SLC35F1: variants seen among roughly 807,000 people sequenced by gnomAD.
SLC35F1 encodes the protein chromosome 6 open reading frame 169.
SLC35F1 carries 14 observed loss-of-function variants against 48.7 expected under a neutral mutation model. That is an observed-to-expected ratio of 0.29 (90% CI 0.19 to 0.45). The LOEUF (loss-of-function observed/expected upper bound fraction) is 0.45, where lower values mean the gene tolerates loss of function less well. SLC35F1 is among the 20% of genes least tolerant of loss of function. The pLI is 1.00. For synonymous variants in SLC35F1, 190 were observed against 202.2 expected (o/e 0.94, Z 0.51); for missense variants, 404 against 500.0 (o/e 0.81, Z 1.83).
intron 1 of SLC35F1, among the ~76,000 whole-genome samples, chr6:117,911,878 A>C (rs1325472465): frequency 6.6e-6 from 1 of 152,224 alleles, no homozygotes; most frequent in Non-Finnish European, 1.5e-5. Context: ...TAGATTTCTT[A>C]GACACATACA....
chr6:118,296,177 A>G (rs968197114), intron 7 of SLC35F1, among the ~76,000 whole-genome samples: 1 of 152,178 alleles, frequency 6.6e-6, no homozygotes, highest in African/African-American at 2.4e-5. Flanking sequence ...TTCTTCACAT[A>G]TTATCCATGG....
intron 1 of SLC35F1, among the ~76,000 whole-genome samples, chr6:117,997,848 A>G (rs1032180981): frequency 5.9e-5 from 9 of 152,230 alleles, no homozygotes; most frequent in Non-Finnish European, 1.3e-4. Flanking sequence ...CATCAAGGCT[A>G]GGAAGAAACT....
Position 118,103,836 on chromosome 6 carries a change from C to T in SLC35F1, c.174-50609C>T. Among the ~76,000 whole-genome samples the T allele has an allele frequency of 1.3e-5, 2 of 152,032 alleles. 1 individual carries two copies. On this transcript the variant is annotated intron_variant, in intron 1 of 7. Transcript: ENST00000360388. ...CTTGAAATGTTTTTTTTTCTGATCT[C>T]ACATTTTAGTTTTCTGTCATTCAGT...
rs904475544 is a variant in SLC35F1, at chr6:118,250,707, C to T, written c.477+15071C>T. On this transcript the variant is annotated intron_variant, in intron 3 of 7. Transcript: ENST00000360388. ...GAGTCATGGCAGCCAGGTGCAGTGGCTCACACCTGTAATCCCAGCACTTTG... is the reference window on the plus strand; with the variant it reads ...GAGTCATGGCAGCCAGGTGCAGTGGTTCACACCTGTAATCCCAGCACTTTG... Among the ~76,000 whole-genome samples the T allele has an allele frequency of 4.6e-5, 7 of 152,184 alleles. No individual in the cohort carries two copies. The South Asian group carries it at 1.4e-3, about 32-fold the overall frequency.
At chr6:118,006,338 C>G (rs1226637618) in intron 1 of SLC35F1, among the ~76,000 whole-genome samples, 2 of 152,012 alleles carry the variant, frequency 1.3e-5, no homozygotes, top group Admixed American at 1.3e-4. Flanking sequence ...CTGATTTGGC[C>G]AGGTGTGGTG....
chr6:117,997,346 C>G (rs201285623), intron 1 of SLC35F1, among the ~76,000 whole-genome samples: 62 of 151,840 alleles, frequency 4.1e-4, no homozygotes, highest in African/African-American at 1.2e-3. Context: ...TTGGAAAACA[C>G]TCTGCAGGAT....
In SLC35F1 at chr6:118,223,337, C is replaced by T. The variant is rs570979589; in HGVS notation, c.350-12172C>T. ...AATAACAAAGCTATCATTTACCAAG[C>T]AGTTACTGCGAGCCAGACACTTTAC... On this transcript the variant is annotated intron_variant, in intron 2 of 7. Transcript: ENST00000360388. Among the ~76,000 whole-genome samples, 5 of 152,286 alleles carry T rather than the reference C, an allele frequency of 3.3e-5. 1 individual carries two copies. Among genetic ancestry groups the T allele is most frequent in the African/African-American group, 1.2e-4 (5 of 41,556 alleles).
At chr6:118,134,920 G>T (rs1387406855) in intron 1 of SLC35F1, among the ~76,000 whole-genome samples, 1 of 152,144 alleles carries the variant, frequency 6.6e-6, no homozygotes, top group Non-Finnish European at 1.5e-5. Flanking sequence ...CAGAATTAAA[G>T]TTTGAATGTT....
intron 1 of SLC35F1, among the ~76,000 whole-genome samples, chr6:118,048,476 C>T (rs1772333541): frequency 6.6e-6 from 1 of 152,094 alleles, no homozygotes; most frequent in South Asian, 2.1e-4. Context: ...ATTGTCTCAG[C>T]CCAAAATCTC....
At chr6:117,978,348 A>G (rs901243696) in intron 1 of SLC35F1, among the ~76,000 whole-genome samples, 2 of 151,532 alleles carry the variant, frequency 1.3e-5, no homozygotes, top group African/African-American at 2.4e-5. Flanking sequence ...TACCAGTTGT[A>G]TGGAGTCTGT....
intron 1 of SLC35F1, among the ~76,000 whole-genome samples, chr6:117,977,114 A>T (rs1258008645): frequency 6.6e-6 from 1 of 152,170 alleles, no homozygotes; most frequent in Non-Finnish European, 1.5e-5. Flanking sequence ...CTTTGATGAT[A>T]CATGTGATGA....
intron 2 of SLC35F1, among the ~76,000 whole-genome samples, chr6:118,228,567 A>C (rs1426301276): frequency 3.3e-5 from 5 of 152,000 alleles, no homozygotes; most frequent in Non-Finnish European, 4.4e-5. Context: ...GGTGGCGTGC[A>C]TCTGTAGTCC....
intron 3 of SLC35F1, among the ~76,000 whole-genome samples, chr6:118,237,537 A>T (rs1775381349): frequency 6.6e-6 from 1 of 152,094 alleles, no homozygotes; most frequent in Non-Finnish European, 1.5e-5. Flanking sequence ...CTACAGGCAC[A>T]TGCCACCACA....
chr6:118,146,686 T>C (rs965092780), intron 1 of SLC35F1, among the ~76,000 whole-genome samples: 5 of 152,182 alleles, frequency 3.3e-5, no homozygotes, highest in Non-Finnish European at 5.9e-5. Context: ...ATGCTCCCTC[T>C]AAACTTCCTG....
chr6:118,240,921 G>A (rs574826369), intron 3 of SLC35F1, among the ~76,000 whole-genome samples: 33 of 152,184 alleles, frequency 2.2e-4, no homozygotes, highest in Non-Finnish European at 4.4e-4. Context: ...GGTCTGGGTG[G>A]CCATTTCAAG....
At chr6:117,979,170 C>G (rs1776743293) in intron 1 of SLC35F1, among the ~76,000 whole-genome samples, 1 of 152,228 alleles carries the variant, frequency 6.6e-6, no homozygotes, top group African/African-American at 2.4e-5. Flanking sequence ...AGAGCAGCTC[C>G]CCACCACATC....
intron 7 of SLC35F1, among the ~76,000 whole-genome samples, chr6:118,289,773 C>T (rs749098868): frequency 3.9e-5 from 6 of 152,124 alleles, no homozygotes; most frequent in African/African-American, 7.2e-5. Context: ...CCCAAGAAAG[C>T]GAGATCCTGA....
chr6:117,964,523 G>C (rs550225563), intron 1 of SLC35F1, among the ~76,000 whole-genome samples: 1 of 152,348 alleles, frequency 6.6e-6, no homozygotes, highest in South Asian at 2.1e-4. Context: ...CCTGAGAAGA[G>C]AGGGTGATGT....
chr6:118,140,995 AG>A (rs1174305331), intron 1 of SLC35F1, among the ~76,000 whole-genome samples: 6 of 152,230 alleles, frequency 3.9e-5, no homozygotes, highest in African/African-American at 1.2e-4. Context: ...AAGGTAAGAA[AG>A]ATACAGTAAG....
Sources: allele counts gnomAD v4.1 joint callset (sites outside exome capture counted in the v4.1 genomes callset), GRCh38; gene constraint gnomAD v4.1.1; transcripts MANE v1.5; gene names NCBI Gene and HGNC (gene_info 2026-07-23, HGNC 2026-07-21).